Variants in TENM2 observed in about 807,000 individuals in gnomAD.
TENM2 encodes the protein teneurin-2.
Under a neutral mutation model 245.2 loss-of-function variants are expected in TENM2, and 52 were observed. The observed-to-expected ratio is 0.21, with a 90% confidence interval of 0.17 to 0.27. The LOEUF is 0.27. TENM2 is among the 10% of genes least tolerant of loss of function. The pLI, the probability that TENM2 is intolerant of heterozygous loss-of-function variation, is 1.00. For missense variants in TENM2, 3,046 were observed against 3,666.8 expected, an observed-to-expected ratio of 0.83 and a Z score of 4.37; for synonymous variants, 1,363 against 1,438.9, an observed-to-expected ratio of 0.95 and a Z score of 1.19.
chr5:167,954,012 A>T (rs938032069), intron 4 of TENM2, among the ~76,000 whole-genome samples: 3 of 152,222 alleles, frequency 2.0e-5, no homozygotes, highest in African/African-American at 7.2e-5. Context: ...AAACTAAAAG[A>T]ATGAACCTAA....
intron 2 of TENM2, among the ~76,000 whole-genome samples, chr5:167,499,321 G>A (rs534248358): frequency 1.3e-5 from 2 of 152,280 alleles, no homozygotes; most frequent in East Asian, 3.9e-4. Flanking sequence ...CTTAGTGGAA[G>A]GAGAGTGGGA....
intron 2 of TENM2, among the ~76,000 whole-genome samples, chr5:167,564,794 G>A (rs939140833): frequency 5.3e-5 from 8 of 152,134 alleles, no homozygotes; most frequent in African/African-American, 1.4e-4. Context: ...TTCTTTCATG[G>A]GGATGGCATT....
the TENM2 span, among the ~76,000 whole-genome samples, chr5:167,199,294 G>T: frequency 6.6e-6 from 1 of 152,006 alleles, no homozygotes; most frequent in African/African-American, 2.4e-5. Context: ...GTAGCACAGA[G>T]AATAATATGT....
the TENM2 span, among the ~76,000 whole-genome samples, chr5:167,111,492 T>C: frequency 6.6e-6 from 1 of 152,222 alleles, no homozygotes; most frequent in Non-Finnish European, 1.5e-5. Context: ...GAAGCACCTG[T>C]TGCGCAAAGA....
At chr5:167,620,549 C>CTTTTTTTTTTTTTTTT (rs11455974) in intron 2 of TENM2, among the ~76,000 whole-genome samples, 8 of 73,308 alleles carry the variant, frequency 1.1e-4, no homozygotes, top group Admixed American at 2.2e-4. Context: ...TGCTTTTTGG[C>CTTTTTTTTTTTTTTTT]TTTTTTTTTT....
At chr5:167,278,804 A>G in the TENM2 span, among the ~76,000 whole-genome samples, 1 of 152,160 alleles carries the variant, frequency 6.6e-6, no homozygotes, top group Non-Finnish European at 1.5e-5. Flanking sequence ...TGCTTCAACT[A>G]TCAAAAAATT....
the TENM2 span, among the ~76,000 whole-genome samples, chr5:167,251,210 G>A: frequency 6.6e-6 from 1 of 152,114 alleles, no homozygotes; most frequent in Non-Finnish European, 1.5e-5. Flanking sequence ...TGCTCACAAA[G>A]CGCTGGAAGA....
rs557213842 is a variant in TENM2 at position 168,112,674 on chromosome 5, G to A, written c.1814-5618G>A. On this transcript the variant is annotated intron_variant, in intron 9 of 28. Transcript: ENST00000518659. ...GCCAATTGCAGGGATCTTGCTAGAA[G>A]GGAAACTCACCTTTCTGACACTGGT... 2.0e-5 allele frequency among the ~76,000 whole-genome samples: 3 copies of A among 150,372 alleles called. No homozygotes were observed. In the South Asian group the frequency reaches 6.4e-4, roughly 32 times the overall value.
At chr5:167,327,698 G>A (rs1186212473) in intron 1 of TENM2, among the ~76,000 whole-genome samples, 2 of 152,160 alleles carry the variant, frequency 1.3e-5, no homozygotes, top group South Asian at 4.1e-4. Flanking sequence ...TCTAAGCAGA[G>A]GGTCCAGTAT....
intron 2 of TENM2, among the ~76,000 whole-genome samples, chr5:167,872,351 A>AAAGAAAGG (rs1772939649): frequency 6.4e-5 from 9 of 139,586 alleles, no homozygotes; most frequent in African/African-American, 2.2e-4. Flanking sequence ...AGAAAGAAAG[A>AAAGAAAGG]AAGGAAAGAG....
At chr5:167,617,114 G>T (rs763564756) in intron 2 of TENM2, among the ~76,000 whole-genome samples, 8 of 152,142 alleles carry the variant, frequency 5.3e-5, no homozygotes, top group Non-Finnish European at 1.0e-4. Context: ...TTTCCAGTGG[G>T]TGCCCTAGTT....
intron 2 of TENM2, among the ~76,000 whole-genome samples, chr5:167,405,752 T>TCAAACACACA (rs1265529700): frequency 2.2e-4 from 22 of 99,274 alleles, no homozygotes; most frequent in African/African-American, 6.9e-4. Flanking sequence ...ATAGTGCAAT[T>TCAAACACACA]CAAACACACA....
At position 167,900,133 on chromosome 5, in the gene TENM2, AGGG is replaced by A. The variant is rs70976451; in HGVS notation, c.712+23947_712+23949del. Among the ~76,000 whole-genome samples, 173 of 100,528 alleles carry A rather than the reference AGGG, an allele frequency of 1.7e-3. 2 individuals are homozygous for A. Among genetic ancestry groups the A allele is most frequent in the African/African-American group, 6.5e-3 (157 of 24,114 alleles). 66.0% of individuals were successfully genotyped at this position (100,528 alleles called of 152,430 possible). On this transcript the variant is annotated intron_variant, in intron 3 of 28. Coordinates refer to ENST00000518659, the Ensembl canonical transcript of TENM2. ...CACTAAAAAAAAAAAAAAAAAAAAA[AGGG>A]GGGGGGGGTTTTGGAAAGGAAAGGA...
intron 27 of TENM2, among the ~76,000 whole-genome samples, chr5:168,254,539 TAGAA>T (rs1025972890): frequency 8.8e-5 from 13 of 147,888 alleles, no homozygotes; most frequent in Admixed American, 5.4e-4. Context: ...AGAGGAAGAA[TAGAA>T]AGAAAAGTAA....
chr5:167,902,558 C>T (rs1278060627), intron 3 of TENM2, among the ~76,000 whole-genome samples: 3 of 152,086 alleles, frequency 2.0e-5, no homozygotes, highest in South Asian at 2.1e-4. Context: ...AGGATTAATC[C>T]GTCCTATGGA....
chr5:167,575,601 C>G (rs1162114560), intron 2 of TENM2, among the ~76,000 whole-genome samples: 1 of 151,990 alleles, frequency 6.6e-6, no homozygotes, highest in Non-Finnish European at 1.5e-5. Flanking sequence ...GAGTAGAGAC[C>G]AAATGGACTG....
chr5:167,350,585 GAT>G (rs1245669453), intron 1 of TENM2, among the ~76,000 whole-genome samples: 18 of 136,428 alleles, frequency 1.3e-4, no homozygotes, highest in African/African-American at 2.1e-4. Context: ...ATATATATGG[GAT>G]ATATATATAT....
the TENM2 span, among the ~76,000 whole-genome samples, chr5:167,018,397 A>C: frequency 6.6e-6 from 1 of 150,472 alleles, no homozygotes; most frequent in African/African-American, 2.5e-5. Context: ...TTTTTATGCC[A>C]CTAAAAAAAC....
intron 2 of TENM2, among the ~76,000 whole-genome samples, chr5:167,639,505 T>A (rs935060190): frequency 6.4e-4 from 98 of 152,330 alleles, no homozygotes; most frequent in African/African-American, 2.3e-3. Context: ...AATACTGACC[T>A]TCTTCCTGCT....
Sources: gnomAD v4.1 joint callset for allele counts (sites outside exome capture counted in the v4.1 genomes callset) on GRCh38, gnomAD v4.1.1 for gene constraint, MANE v1.5 for transcripts, NCBI Gene and HGNC (gene_info 2026-07-23, HGNC 2026-07-21) for gene names.